The following PCDH15 variants were observed in gnomAD, a reference collection of about 807,000 sequenced individuals.
PCDH15 encodes the protein protocadherin related 15.
Under a neutral mutation model 178.5 loss-of-function variants are expected in PCDH15, and 129 were observed. The observed-to-expected ratio is 0.72, with a 90% confidence interval of 0.63 to 0.84. The LOEUF (loss-of-function observed/expected upper bound fraction) is 0.84. Ranked by LOEUF, PCDH15 falls within the 40% of genes least tolerant of loss-of-function variation. The pLI, the probability that PCDH15 is intolerant of heterozygous loss-of-function variation, is 0.00. For synonymous variants in PCDH15, 800 were observed against 732.0 expected (o/e 1.09, Z -1.50); for missense variants, 2,230 against 2,099.9 (o/e 1.06, Z -1.21).
intron 8 of PCDH15, among the ~76,000 whole-genome samples, chr10:54,254,712 T>C (rs1387596892): frequency 2.6e-5 from 4 of 152,220 alleles, no homozygotes; most frequent in Non-Finnish European, 4.4e-5. Context: ...TAAATTTGTT[T>C]TCACACTTCT....
At chr10:54,232,388 A>G (rs1591321468) in intron 9 of PCDH15, among the ~76,000 whole-genome samples, 1 of 152,234 alleles carries the variant, frequency 6.6e-6, no homozygotes, top group African/African-American at 2.4e-5. Context: ...AGCCACTTAA[A>G]CCTATTTTTA....
intron 2 of PCDH15, among the ~76,000 whole-genome samples, chr10:55,006,069 C>A (rs549080880): frequency 6.6e-6 from 1 of 151,944 alleles, no homozygotes; most frequent in Non-Finnish European, 1.5e-5. Context: ...ACTTATCCAT[C>A]ACCACACAAA....
At chr10:53,959,615 C>G (rs552683536) in intron 23 of PCDH15, 117 bp downstream of exon 23, 1 of 726,446 alleles carries the variant, frequency 1.4e-6, no homozygotes, top group East Asian at 2.7e-5. Flanking sequence ...AATTTAGAAA[C>G]GCCTAAACCA....
intron 1 of PCDH15, among the ~76,000 whole-genome samples, chr10:54,795,263 G>T (rs949694098): frequency 7.9e-5 from 12 of 151,264 alleles, no homozygotes; most frequent in Non-Finnish European, 1.5e-4. Flanking sequence ...AATTCCTACC[G>T]CCTCTCTCTT....
chr10:54,184,895 T>A (rs530125217), intron 12 of PCDH15, among the ~76,000 whole-genome samples: 1 of 152,140 alleles, frequency 6.6e-6, no homozygotes, highest in African/African-American at 2.4e-5. Context: ...CTTTCTTTTT[T>A]TTTTGAAAAG....
At chr10:53,974,144 A>G (rs1280003328) in intron 21 of PCDH15, among the ~76,000 whole-genome samples, 1 of 152,092 alleles carries the variant, frequency 6.6e-6, no homozygotes, top group African/African-American at 2.4e-5. Flanking sequence ...TAGCCTACCA[A>G]GTAGCTGCGA....
chr10:55,195,023 A>T (rs1000681679), intron 1 of PCDH15, among the ~76,000 whole-genome samples: 12 of 140,538 alleles, frequency 8.5e-5, no homozygotes, highest in Admixed American at 3.6e-4. Flanking sequence ...GAAGAAGAAA[A>T]TTTTTTTTTT....
intron 1 of PCDH15, among the ~76,000 whole-genome samples, chr10:54,787,829 C>T: frequency 6.6e-6 from 1 of 151,942 alleles, no homozygotes; most frequent in East Asian, 1.9e-4. Flanking sequence ...TGTAGCAAGC[C>T]AGTTATATAT....
intron 2 of PCDH15, among the ~76,000 whole-genome samples, chr10:54,983,952 A>G (rs937688752): frequency 1.3e-5 from 2 of 152,174 alleles, no homozygotes; most frequent in Non-Finnish European, 2.9e-5. Context: ...AGTAGCATAA[A>G]CGCTATATAT....
chr10:55,378,789 A>C (rs2131998249), intron 2 of PCDH15, among the ~76,000 whole-genome samples: 1 of 151,928 alleles, frequency 6.6e-6, no homozygotes, highest in South Asian at 2.1e-4. Context: ...CAATTTATAT[A>C]AATCCATCCC....
At chr10:55,581,931 T>G (rs2132121185) in intron 2 of PCDH15, among the ~76,000 whole-genome samples, 1 of 152,134 alleles carries the variant, frequency 6.6e-6, no homozygotes, top group South Asian at 2.1e-4. Flanking sequence ...TCACTGCAAC[T>G]TCCGACTCCT....
chr10:55,271,013 A>G (rs1456006922), intron 1 of PCDH15, among the ~76,000 whole-genome samples: 1 of 152,128 alleles, frequency 6.6e-6, no homozygotes, highest in African/African-American at 2.4e-5. Flanking sequence ...GGAGGCCATA[A>G]TCCTAAGCAA....
At chr10:54,725,565 T>A (rs373296528) in intron 1 of PCDH15, among the ~76,000 whole-genome samples, 2,448 of 135,896 alleles carry the variant, frequency 0.018, 76 homozygotes, top group African/African-American at 0.037. Flanking sequence ...TATATATATA[T>A]AATTGGAAAC....
At chr10:55,509,460 T>C (rs1304571188) in intron 2 of PCDH15, among the ~76,000 whole-genome samples, 1 of 151,746 alleles carries the variant, frequency 6.6e-6, no homozygotes, top group Non-Finnish European at 1.5e-5. Flanking sequence ...ATCTGGGGTA[T>C]AACTCAAAAA....
chr10:54,937,295 C>T (rs1837931673), intron 2 of PCDH15, among the ~76,000 whole-genome samples: 1 of 151,740 alleles, frequency 6.6e-6, no homozygotes, highest in African/African-American at 2.4e-5. Flanking sequence ...AAATTCTGGG[C>T]CCTTGAATTT....
chr10:55,391,689 T>C (rs1837797227), intron 2 of PCDH15, among the ~76,000 whole-genome samples: 1 of 152,110 alleles, frequency 6.6e-6, no homozygotes, highest in Non-Finnish European at 1.5e-5. Flanking sequence ...GGTTTCAACA[T>C]GTTGGCCAGG....
intron 2 of PCDH15, among the ~76,000 whole-genome samples, chr10:55,400,534 C>T (rs1033642147): frequency 9.2e-5 from 14 of 152,086 alleles, no homozygotes; most frequent in Admixed American, 8.5e-4. Flanking sequence ...TTCACCTACT[C>T]ACTAAAATTT....
intron 3 of PCDH15, among the ~76,000 whole-genome samples, chr10:54,391,225 A>C (rs1950513370): frequency 6.6e-6 from 1 of 152,118 alleles, no homozygotes; most frequent in Admixed American, 6.6e-5. Context: ...CTATACCTGC[A>C]CTCATCCCAT....
At chr10:54,395,157 A>C (rs977091937) in intron 3 of PCDH15, among the ~76,000 whole-genome samples, 1 of 152,132 alleles carries the variant, frequency 6.6e-6, no homozygotes, top group African/African-American at 2.4e-5. Flanking sequence ...GGAAATCACA[A>C]GGGTATTCAT....
Sources: gnomAD v4.1 joint callset for allele counts (sites outside exome capture counted in the v4.1 genomes callset) on GRCh38, gnomAD v4.1.1 for gene constraint, MANE v1.5 for transcripts, NCBI Gene and HGNC (gene_info 2026-07-23, HGNC 2026-07-21) for gene names.